The following DLGAP1 variants were observed in gnomAD, a reference collection of about 807,000 sequenced individuals.
The protein encoded by DLGAP1 is DLG associated protein 1.
A neutral mutation model predicts 90.8 loss-of-function variants in DLGAP1; 11 were observed. The ratio of observed to expected loss-of-function variants is 0.12; its 90% confidence interval spans 0.08 to 0.20. DLGAP1 has a LOEUF of 0.20. Ranked by LOEUF, DLGAP1 falls within the 10% of genes least tolerant of loss-of-function variation. The pLI is 1.00. For missense variants in DLGAP1, 1,050 were observed against 1,333.8 expected (o/e 0.79, Z 3.31); for synonymous variants, 558 against 540.7 (o/e 1.03, Z -0.44).
chr18:3,702,183 C>G lies in DLGAP1; in HGVS notation c.1591+26952G>C, dbSNP rs980475891. On this transcript the variant is annotated intron_variant, in intron 7 of 12. Coordinates refer to ENST00000315677, the MANE Select transcript of DLGAP1 (RefSeq NM_004746.4). ...TCTCCTGCCTCAGCCTCCCAAGTAG[C>G]TGGGATTACAGGCGTCTGCCACCAC... Among the ~76,000 whole-genome samples the G allele has an allele frequency of 3.9e-5, 6 of 152,332 alleles. No individual in the cohort carries two copies. In the East Asian group the frequency reaches 1.2e-3, roughly 29 times the overall value.
intron 2 of DLGAP1, among the ~76,000 whole-genome samples, chr18:4,046,838 T>C (rs1217788225): frequency 3.3e-5 from 5 of 152,214 alleles, no homozygotes; most frequent in Non-Finnish European, 5.9e-5. Flanking sequence ...TACATGGGTC[T>C]GAAGTTCATG....
At chr18:3,817,540 G>T (rs1258698740) in intron 4 of DLGAP1, among the ~76,000 whole-genome samples, 2 of 152,230 alleles carry the variant, frequency 1.3e-5, no homozygotes, top group African/African-American at 4.8e-5. Context: ...AAAGTGTAAA[G>T]ACAGAAAATC....
intron 7 of DLGAP1, among the ~76,000 whole-genome samples, chr18:3,673,921 C>T (rs1469881349): frequency 5.9e-5 from 9 of 151,522 alleles, no homozygotes; most frequent in Admixed American, 3.9e-4. Flanking sequence ...CAGCTCACTG[C>T]GACCTCCGCC....
chr18:3,906,325 A>G (rs1290761050), intron 3 of DLGAP1, among the ~76,000 whole-genome samples: 1 of 152,194 alleles, frequency 6.6e-6, no homozygotes. Context: ...TTCAGAAATT[A>G]TTATAGCTTG....
chr18:4,263,847 TG>T (rs2079052623), intron 1 of DLGAP1, among the ~76,000 whole-genome samples: 1 of 152,190 alleles, frequency 6.6e-6, no homozygotes, highest in Non-Finnish European at 1.5e-5. Flanking sequence ...TTAAACTACA[TG>T]AATGAGAAGA....
chr18:3,567,599 TAA>T lies in DLGAP1; in HGVS notation c.1966-20_1966-19del. On this transcript the variant is annotated intron_variant, in intron 8 of 12. Coordinates refer to ENST00000315677, the MANE Select transcript of DLGAP1 (RefSeq NM_004746.4). ...TCATCCACCTGGAGAAATCATCAAA[TAA>T]ATAGAGTTGTTCCATTTCAGTCATC... 6.2e-7 allele frequency: 1 copy of T among 1,603,186 alleles called. No homozygotes were observed. The highest frequency in any genetic ancestry group is 8.5e-7 in the Non-Finnish European group (1 of 1,171,550).
Position 3,600,709 on chromosome 18 carries a change from T to TATAGAG in DLGAP1, c.1592-18462_1592-18461insCTCTAT, listed in dbSNP as rs1333587445. On this transcript the variant is annotated intron_variant, in intron 7 of 12. Transcript: ENST00000315677. ...AGAGATCTATATAGATATCTATAGC[T>TATAGAG]ATATAGATATAGAGATATAGATATA... 3.7e-4 allele frequency among the ~76,000 whole-genome samples: 36 copies of TATAGAG among 97,898 alleles called. 4 individuals are homozygous for TATAGAG. Among genetic ancestry groups the TATAGAG allele is most frequent in the Non-Finnish European group, 4.7e-4 (24 of 51,084 alleles). The allele number at this position is 97,898 out of a possible 152,430, so 64.2% of individuals were successfully genotyped here. A position where few individuals can be genotyped will look rare whatever the true frequency, so the allele number is the denominator to read the frequency against.
chr18:3,540,298 C>T (rs146358599), intron 9 of DLGAP1, among the ~76,000 whole-genome samples: 1 of 151,564 alleles, frequency 6.6e-6, no homozygotes, highest in African/African-American at 2.4e-5. Context: ...AAAATCCCGT[C>T]TCCACTAAAA....
intron 4 of DLGAP1, among the ~76,000 whole-genome samples, chr18:3,858,348 C>A (rs1177062401): frequency 6.6e-6 from 1 of 152,014 alleles, no homozygotes; most frequent in Non-Finnish European, 1.5e-5. Flanking sequence ...GGTGAGAGCT[C>A]TTTGAGGGCA....
chr18:3,743,942 G>A (rs1429775550), intron 5 of DLGAP1, among the ~76,000 whole-genome samples: 1 of 152,198 alleles, frequency 6.6e-6, no homozygotes, highest in East Asian at 1.9e-4. Flanking sequence ...GAGCCACTGT[G>A]CCCGGCCAAT....
intron 1 of DLGAP1, among the ~76,000 whole-genome samples, chr18:4,430,386 T>G (rs568664217): frequency 1.3e-5 from 2 of 152,246 alleles, no homozygotes; most frequent in South Asian, 4.1e-4. Context: ...ATTAATAGTT[T>G]TGTGACCTTG....
chr18:3,706,548 T>C (rs2061438318), intron 7 of DLGAP1, among the ~76,000 whole-genome samples: 1 of 152,186 alleles, frequency 6.6e-6, no homozygotes, highest in African/African-American at 2.4e-5. Flanking sequence ...ATAAATTTTC[T>C]TACCCAAAGC....
At chr18:3,597,405 G>A in intron 7 of DLGAP1, 1 of 372,972 alleles carries the variant, frequency 2.7e-6, no homozygotes, top group Non-Finnish European at 5.2e-6. Context: ...GTAGCTGGTT[G>A]TTTTAAGATG....
intron 1 of DLGAP1, among the ~76,000 whole-genome samples, chr18:4,153,279 G>A (rs916890956): frequency 6.6e-6 from 1 of 152,160 alleles, no homozygotes. Flanking sequence ...GAATATTCAT[G>A]GGTAAGGCAG....
chr18:3,576,200 T>G (rs1183974105), intron 8 of DLGAP1, among the ~76,000 whole-genome samples: 1 of 152,026 alleles, frequency 6.6e-6, no homozygotes, highest in Non-Finnish European at 1.5e-5. Context: ...TCCTTCCTGT[T>G]TCCACCTTCT....
chr18:4,012,607 G>A (rs1305389056), intron 2 of DLGAP1, among the ~76,000 whole-genome samples: 1 of 152,216 alleles, frequency 6.6e-6, no homozygotes, highest in African/African-American at 2.4e-5. Context: ...TTGCTGAGCA[G>A]CAGGCTGTCT....
chr18:4,362,779 A>G (rs534513729), intron 1 of DLGAP1, among the ~76,000 whole-genome samples: 4 of 152,156 alleles, frequency 2.6e-5, no homozygotes, highest in Admixed American at 6.5e-5. Context: ...CTGGATGAAA[A>G]TGTTCAAAAA....
chr18:3,919,504 G>A (rs80187570), intron 3 of DLGAP1, among the ~76,000 whole-genome samples: 3,687 of 152,240 alleles, frequency 0.024, 135 homozygotes, highest in African/African-American at 0.083. Context: ...TGCCCAAGGA[G>A]GTCCCAGAGC....
chr18:4,063,731 C>T (rs1279210345), intron 2 of DLGAP1, among the ~76,000 whole-genome samples: 4 of 152,096 alleles, frequency 2.6e-5, no homozygotes, highest in Non-Finnish European at 5.9e-5. Context: ...AAGCTTCTTC[C>T]TTCCTTTCTC....
Sources: allele counts gnomAD v4.1 joint callset (sites outside exome capture counted in the v4.1 genomes callset), GRCh38; gene constraint gnomAD v4.1.1; transcripts MANE v1.5; gene names NCBI Gene and HGNC (gene_info 2026-07-23, HGNC 2026-07-21).